DCLRE1C: variants seen among roughly 807,000 people sequenced by gnomAD.
DCLRE1C encodes the protein protein artemis.
In DCLRE1C, 47 loss-of-function variants were observed where a neutral mutation model predicts 61.4. That is an observed-to-expected ratio of 0.77 (90% CI 0.61 to 0.98). The LOEUF (loss-of-function observed/expected upper bound fraction) is 0.98. DCLRE1C is among the 50% of genes least tolerant of loss of function. The pLI is 0.00. For synonymous variants in DCLRE1C, 337 were observed against 287.6 expected (o/e 1.17, Z -1.74); for missense variants, 858 against 816.0 (o/e 1.05, Z -0.63).
chr10:14,932,460 C>A (rs375210421), intron 9 of DCLRE1C, among the ~76,000 whole-genome samples: 64 of 151,786 alleles, frequency 4.2e-4, no homozygotes, highest in Non-Finnish European at 8.7e-4. Flanking sequence ...ACATGGCTAA[C>A]CTCGTCTGTA....
At chr10:14,953,773 A>G in intron 1 of DCLRE1C, 129 bp downstream of exon 1, 2 of 1,338,490 alleles carry the variant, frequency 1.5e-6, no homozygotes, top group East Asian at 2.4e-5. Context: ...GACTGGGACA[A>G]GGCGTGTGCT....
chr10:14,935,376 G>T, intron 6 of DCLRE1C, 87 bp downstream of exon 6: 1 of 1,420,938 alleles, frequency 7.0e-7, no homozygotes, highest in Non-Finnish European at 9.8e-7. Context: ...TGAGGCAGGA[G>T]AATCGCTTGA....
downstream of DCLRE1C, among the ~76,000 whole-genome samples, chr10:14,899,861 T>G (rs1833873832): frequency 6.6e-6 from 1 of 152,234 alleles, no homozygotes; most frequent in African/African-American, 2.4e-5. Context: ...TTAGGAAAAT[T>G]AAACATTGAG....
At chr10:14,938,511 C>T (rs992245670) in intron 4 of DCLRE1C, among the ~76,000 whole-genome samples, 7 of 152,062 alleles carry the variant, frequency 4.6e-5, no homozygotes, top group African/African-American at 1.7e-4. Flanking sequence ...CAAAGTTAAA[C>T]ACGGCAAAGC....
chr10:14,914,774 A>G (rs562743268), intron 13 of DCLRE1C, among the ~76,000 whole-genome samples: 25 of 152,274 alleles, frequency 1.6e-4, no homozygotes, highest in Admixed American at 5.9e-4. Context: ...CCCTGTGGCT[A>G]CTAAAAATAC....
chr10:14,951,666 C>G (rs1454809450), intron 1 of DCLRE1C, among the ~76,000 whole-genome samples: 2 of 152,134 alleles, frequency 1.3e-5, no homozygotes, highest in African/African-American at 2.4e-5. Context: ...TCCTAACTTA[C>G]AGACAGCCGC....
chr10:14,948,770 T>TA (rs1554800030), intron 2 of DCLRE1C, among the ~76,000 whole-genome samples: 138 of 143,664 alleles, frequency 9.6e-4, no homozygotes, highest in African/African-American at 3.1e-3. Context: ...TTTGGTAGGA[T>TA]TATATATATA....
At position 14,954,012 on chromosome 10, in the gene DCLRE1C, G is replaced by C; in HGVS notation, c.-2C>G. 1.2e-6 allele frequency: 2 copies of C among 1,613,984 alleles called. No individual in the cohort carries two copies. The highest frequency in any genetic ancestry group is 1.7e-6 in the Non-Finnish European group (2 of 1,179,912). ...CATCTGCCCCTCGAAAGAACTCATA[G>C]CGCCGCCGATCCCAGAGTCCGGGAC... is the stretch of plus-strand genomic sequence containing the variant. On this transcript the variant is annotated 5_prime_UTR_variant, in exon 1 of 14. Coordinates refer to ENST00000378278, the MANE Select transcript of DCLRE1C (RefSeq NM_001033855.3).
chr10:14,953,598 G>A (rs1842772162), intron 1 of DCLRE1C, among the ~76,000 whole-genome samples: 1 of 152,110 alleles, frequency 6.6e-6, no homozygotes, highest in Non-Finnish European at 1.5e-5. Flanking sequence ...TCTGAGGGAA[G>A]TACTAACCCT....
In DCLRE1C at chr10:14,904,754, T is replaced by C. The variant is rs778908356; in HGVS notation, c.*3654A>G. 9.9e-5 allele frequency among the ~76,000 whole-genome samples: 15 copies of C among 152,210 alleles called. No individual in the cohort carries two copies. The highest frequency in any genetic ancestry group is 7.2e-4 in the Admixed American group (11 of 15,280). ...AGGATGTTATTAAGGGGTTTAACTATTTTAAGTCAACATTTAGCTTATCCA... is the reference window on the plus strand; with the variant it reads ...AGGATGTTATTAAGGGGTTTAACTACTTTAAGTCAACATTTAGCTTATCCA... On this transcript the variant is annotated 3_prime_UTR_variant, in exon 14 of 14. Coordinates refer to ENST00000378278, the MANE Select transcript of DCLRE1C (RefSeq NM_001033855.3).
intron 2 of DCLRE1C, among the ~76,000 whole-genome samples, chr10:14,946,068 C>T (rs556712638): frequency 1.2e-4 from 18 of 149,434 alleles, no homozygotes; most frequent in Admixed American, 2.7e-4. Context: ...AGTGCGGTGG[C>T]GCGATCTCGG....
At chr10:14,932,211 G>A (rs1388501521) in intron 9 of DCLRE1C, among the ~76,000 whole-genome samples, 1 of 152,024 alleles carries the variant, frequency 6.6e-6, no homozygotes, top group African/African-American at 2.4e-5. Context: ...GCAACAGAAG[G>A]AGAATGTCTC....
At chr10:14,941,564 C>T (rs964644504) in intron 3 of DCLRE1C, among the ~76,000 whole-genome samples, 3 of 152,202 alleles carry the variant, frequency 2.0e-5, no homozygotes, top group Non-Finnish European at 2.9e-5. Flanking sequence ...TAGGACTACA[C>T]ATGAGAGCCC....
At chr10:14,926,785 C>T in intron 11 of DCLRE1C, 58 bp downstream of exon 11, 1 of 1,388,522 alleles carries the variant, frequency 7.2e-7, no homozygotes, top group East Asian at 2.3e-5. Context: ...TACCTGTCAA[C>T]TACCAAGGCT....
intron 13 of DCLRE1C, 41 bp downstream of exon 13, chr10:14,919,697 C>T (rs1218005813): frequency 6.7e-7 from 1 of 1,489,970 alleles, no homozygotes; most frequent in Admixed American, 1.7e-5. Context: ...GCAGTGTTTG[C>T]AGGGAGCCCA....
intron 13 of DCLRE1C, among the ~76,000 whole-genome samples, chr10:14,917,722 T>C (rs184001692): frequency 2.6e-5 from 4 of 152,122 alleles, no homozygotes; most frequent in Admixed American, 2.6e-4. Context: ...GAGGCTGAAG[T>C]GGGAGGATCA....
downstream of DCLRE1C, chr10:14,902,668 C>A: frequency 1.9e-6 from 1 of 533,676 alleles, no homozygotes; most frequent in Non-Finnish European, 3.3e-6. Context: ...ACCGATGCCT[C>A]TGAAAAGGGG....
At chr10:14,917,610 G>C (rs1299049366) in intron 13 of DCLRE1C, among the ~76,000 whole-genome samples, 1 of 152,130 alleles carries the variant, frequency 6.6e-6, no homozygotes, top group Non-Finnish European at 1.5e-5. Flanking sequence ...GATTGCTTGA[G>C]CTCAGGAGTC....
intron 11 of DCLRE1C, among the ~76,000 whole-genome samples, chr10:14,926,192 G>A (rs1182305629): frequency 3.3e-5 from 5 of 152,174 alleles, no homozygotes; most frequent in Non-Finnish European, 5.9e-5. Context: ...CAGAGTAAGA[G>A]CTGAAAGAAG....
Sources: allele counts gnomAD v4.1 joint callset (sites outside exome capture counted in the v4.1 genomes callset), GRCh38; gene constraint gnomAD v4.1.1; transcripts MANE v1.5; gene names NCBI Gene and HGNC (gene_info 2026-07-23, HGNC 2026-07-21).